Variants in RNF212 observed in about 807,000 individuals in gnomAD.
The protein encoded by RNF212 is ring finger protein 212, also known as probable E3 SUMO-protein ligase RNF212.
A neutral mutation model predicts 34.7 loss-of-function variants in RNF212; 33 were observed. That is an observed-to-expected ratio of 0.95 (90% confidence interval 0.72 to 1.27). The LOEUF (loss-of-function observed/expected upper bound fraction) is 1.27, where lower values mean the gene tolerates loss of function less well. RNF212 is among the 50% of genes most tolerant of loss of function. RNF212 has a pLI of 0.00. For synonymous variants in RNF212, 140 were observed against 136.1 expected (o/e 1.03, Z -0.20); for missense variants, 377 against 362.2 (o/e 1.04, Z -0.33).
At chr4:1,093,963 A>C in intron 3 of RNF212, 2 of 1,535,952 alleles carry the variant, frequency 1.3e-6, no homozygotes, top group Non-Finnish European at 1.7e-6. Context: ...TCCTTGGAGG[A>C]TGTGGCTGGG....
chr4:1,073,930 C>G (rs1718850509), intron 8 of RNF212, among the ~76,000 whole-genome samples: 2 of 151,902 alleles, frequency 1.3e-5, no homozygotes, highest in Admixed American at 1.3e-4. Context: ...GGATAAAGGG[C>G]TCTACTAGGA....
chr4:1,085,880 G>T lies in RNF212; in HGVS notation c.362+16C>A. ...GGTGCCTCGACTGCGCACTCACGGG[G>T]GGTGGGGCGCCTTACCTTTGTAGTT... is the stretch of plus-strand genomic sequence containing the variant. On this transcript the variant is annotated intron_variant, in intron 5 of 9. Transcript: ENST00000433731. The T allele has an allele frequency of 6.3e-7, 1 of 1,598,120 alleles. No individual in the cohort carries two copies.
downstream of RNF212, among the ~76,000 whole-genome samples, chr4:1,068,954 T>C (rs983616826): frequency 6.6e-6 from 1 of 152,320 alleles, no homozygotes; most frequent in Admixed American, 6.5e-5. Flanking sequence ...ACACCTGCAA[T>C]CCTAGCACTT....
At chr4:1,064,089 A>C (rs1717930320) in intron 3 of RNF212, among the ~76,000 whole-genome samples, 1 of 152,240 alleles carries the variant, frequency 6.6e-6, no homozygotes, top group Admixed American at 6.5e-5. Flanking sequence ...GAAATGGTTA[A>C]TATGTTGTGA....
chr4:1,056,439 G>A lies in RNF212; in HGVS notation n.285C>T, dbSNP rs980915608. On this transcript the variant is annotated non_coding_transcript_exon_variant, in exon 5 of 5. Coordinates refer to the RNF212 transcript ENST00000503206. ...CACTGCCCCAAGGTGAGCAGGTCCC[G>A]CAGGAGGCATGGAAGTCGCGGTAAA... 3.6e-5 allele frequency: 32 copies of A among 887,268 alleles called. No homozygotes were observed. The Middle Eastern group carries it at 1.8e-3, about 49-fold the overall frequency. The allele number at this position is 887,268 out of a possible 1,614,324, so 55.0% of individuals were successfully genotyped here. A position where few individuals can be genotyped will look rare whatever the true frequency, so the allele number is the denominator to read the frequency against.
At chr4:1,096,716 T>C (rs534674839) in intron 3 of RNF212, 49 bp downstream of exon 3, 1 of 1,282,658 alleles carries the variant, frequency 7.8e-7, no homozygotes, top group East Asian at 2.3e-5. Flanking sequence ...GGTCTCGGGA[T>C]AGTGCACCTG....
intron 2 of RNF212, among the ~76,000 whole-genome samples, chr4:1,105,585 G>T (rs910540588): frequency 3.3e-5 from 5 of 152,230 alleles, no homozygotes; most frequent in African/African-American, 1.2e-4. Context: ...CACTTACAAT[G>T]TGTTTTGTTT....
chr4:1,111,303 G>A (rs531388248), intron 1 of RNF212, among the ~76,000 whole-genome samples: 9 of 152,074 alleles, frequency 5.9e-5, no homozygotes, highest in African/African-American at 2.2e-4. Flanking sequence ...AGGATTATAG[G>A]ATTATTATCC....
chr4:1,059,385 C>T (rs1717589713), intron 3 of RNF212, among the ~76,000 whole-genome samples: 1 of 152,206 alleles, frequency 6.6e-6, no homozygotes, highest in South Asian at 2.1e-4. Context: ...TCACTTCTGT[C>T]TTGTATCACG....
chr4:1,090,212 T>TG (rs1721970478), intron 4 of RNF212, among the ~76,000 whole-genome samples: 1 of 135,108 alleles, frequency 7.4e-6, no homozygotes. Flanking sequence ...CAAGACAGGG[T>TG]GGGGGTGACA....
chr4:1,102,599 A>T (rs1354504176), intron 2 of RNF212, among the ~76,000 whole-genome samples: 2 of 152,078 alleles, frequency 1.3e-5, no homozygotes, highest in African/African-American at 2.4e-5. Flanking sequence ...AAAAACAAAA[A>T]AAAAACACTT....
chr4:1,060,510 G>T (rs1324801566), intron 3 of RNF212, among the ~76,000 whole-genome samples: 2 of 152,026 alleles, frequency 1.3e-5, no homozygotes, highest in East Asian at 1.9e-4. Context: ...TGCCAAGGGG[G>T]CGCCATGTTT....
chr4:1,069,125 C>T (rs541429623), downstream of RNF212, among the ~76,000 whole-genome samples: 2 of 151,996 alleles, frequency 1.3e-5, no homozygotes, highest in African/African-American at 4.8e-5. Context: ...GCACAAGAAT[C>T]GCTTGAACCT....
chr4:1,089,695 GAAGT>G (rs1209130078), intron 4 of RNF212, among the ~76,000 whole-genome samples: 2 of 145,032 alleles, frequency 1.4e-5, no homozygotes, highest in African/African-American at 5.6e-5. Context: ...GATCCGGTGG[GAAGT>G]GATTGGATCA....
rs1577676132 is a variant in RNF212 at position 1,079,539 on chromosome 4, T to A, written c.510+104A>T. The stretch of plus-strand genomic sequence containing the variant: ...CACGAAGCAGCAGCACTGTGCAAAG[T>A]CTGTCTACTGTTGCACGAGAGGTTA... On this transcript the variant is annotated intron_variant, in intron 8 of 9. Transcript: ENST00000433731. 4.5e-5 allele frequency: 37 copies of A among 824,148 alleles called. No individual in the cohort carries two copies. In the East Asian group the frequency reaches 9.0e-4, roughly 20 times the overall value. The allele number at this position is 824,148 out of a possible 1,614,324, so 51.1% of individuals were successfully genotyped here.
intron 3 of RNF212, among the ~76,000 whole-genome samples, chr4:1,058,585 G>C (rs867496669): frequency 1.3e-5 from 2 of 152,186 alleles, no homozygotes; most frequent in Non-Finnish European, 2.9e-5. Context: ...GTGCCAACAC[G>C]ACACTCTGAG....
intron 2 of RNF212, chr4:1,100,010 C>T (rs563899747): frequency 5.5e-5 from 22 of 397,530 alleles, no homozygotes; most frequent in East Asian, 3.6e-4. Flanking sequence ...ACTAGGAATG[C>T]CAGCCCTAAT....
chr4:1,071,132 G>C (rs914735547), downstream of RNF212, among the ~76,000 whole-genome samples: 3 of 149,784 alleles, frequency 2.0e-5, no homozygotes, highest in South Asian at 6.3e-4. Context: ...TTTAAATACT[G>C]TTCTTACAAT....
At chr4:1,057,713 G>T (rs1185228763) in intron 4 of RNF212, among the ~76,000 whole-genome samples, 1 of 152,174 alleles carries the variant, frequency 6.6e-6, no homozygotes, top group Admixed American at 6.5e-5. Flanking sequence ...TCACCACGTG[G>T]TACTTTTGAA....
Sources: gnomAD v4.1 joint callset for allele counts (sites outside exome capture counted in the v4.1 genomes callset) on GRCh38, gnomAD v4.1.1 for gene constraint, MANE v1.5 for transcripts, NCBI Gene and HGNC (gene_info 2026-07-23, HGNC 2026-07-21) for gene names.